The following ADGRG4 variants were observed in gnomAD, a reference collection of about 807,000 sequenced individuals.
ADGRG4 encodes adhesion G protein-coupled receptor G4.
Under a neutral mutation model 126.2 loss-of-function variants are expected in ADGRG4, and 122 were observed. The ratio of observed to expected loss-of-function variants is 0.97; its 90% CI spans 0.83 to 1.12. The LOEUF is 1.12. Among genes scored for constraint, ADGRG4 ranks in the 50% most tolerant of loss-of-function variants. The pLI is 0.00. For synonymous variants in ADGRG4, 943 were observed against 838.7 expected (o/e 1.12, Z -2.15); for missense variants, 2,481 against 2,251.8 (o/e 1.10, Z -2.06).
chrX:136,380,080 C>A (rs2075250322), intron 15 of ADGRG4, among the ~76,000 whole-genome samples: 1 of 107,580 alleles, frequency 9.3e-6, no homozygotes, highest in Non-Finnish European at 1.9e-5. Flanking sequence ...TTGCACAACT[C>A]TGAATGTGGT....
chrX:136,361,343 G>A (rs369191464), intron 11 of ADGRG4, 112 bp from the exon 12 acceptor site: 61 of 305,684 alleles, frequency 2.0e-4, no homozygotes, highest in Non-Finnish European at 2.6e-4. Flanking sequence ...TAATAATGAC[G>A]TTCATAATAA....
chrX:136,380,604 C>CTCCTCCTCTTCT (rs2075255832), intron 15 of ADGRG4, among the ~76,000 whole-genome samples: 13 of 55,346 alleles, frequency 2.3e-4, no homozygotes, highest in African/African-American at 8.5e-4. Context: ...CCTCCTCCTC[C>CTCCTCCTCTTCT]TCTTCTTCTT....
At chrX:136,358,866 T>C (rs1013823518) in intron 10 of ADGRG4, among the ~76,000 whole-genome samples, 2 of 112,167 alleles carry the variant, frequency 1.8e-5, no homozygotes, top group Non-Finnish European at 3.8e-5. Context: ...AGAACACTTC[T>C]TTATAGACTA....
intron 5 of ADGRG4, among the ~76,000 whole-genome samples, chrX:136,336,493 T>C (rs2074949000): frequency 9.0e-6 from 1 of 111,652 alleles, no homozygotes; most frequent in Non-Finnish European, 1.9e-5. Context: ...TTCAGCTCCA[T>C]CAGTTTTGCT....
At chrX:136,303,720 T>TA (rs1270729463) in intron 1 of ADGRG4, among the ~76,000 whole-genome samples, 1 of 111,458 alleles carries the variant, frequency 9.0e-6, no homozygotes, top group East Asian at 2.8e-4. Flanking sequence ...GTTGTCAGCA[T>TA]AGATGATTTT....
Position 136,349,485 on chromosome X carries a change from A to T in ADGRG4, c.5779A>T (p.Thr1927Ser). The change falls in exon 6 of 26, where the codon ACT becomes TCT. Residue 1927 changes from threonine to serine, a missense_variant. Transcript: ENST00000394143. Reference protein sequence around the residue: ...GPLSTFTASQTGLVSKDVMAM... With the variant: ...GPLSTFTASQSGLVSKDVMAM... ...TTTGTCAACATTCACAGCCTCTCAG[A>T]CTGGTCTAGTATCTAAAGATGTCAT... 5.8e-6 allele frequency: 7 copies of T among 1,204,638 alleles called. No homozygotes were observed. The highest frequency in any genetic ancestry group is 7.9e-6 in the Non-Finnish European group (7 of 889,097).
In ADGRG4 at chrX:136,347,916, A is replaced by G. The variant is rs1569323790; in HGVS notation, c.4210A>G (p.Thr1404Ala). 8.3e-7 allele frequency: 1 copy of G among 1,208,559 alleles called. No homozygotes were observed. The change falls in exon 6 of 26, where the codon ACT becomes GCT. Residue 1404 changes from threonine to alanine, a missense_variant. Physicochemically the swap from Thr to Ala is moderately conservative, Grantham distance 58 (BLOSUM62 0). Transcript: ENST00000394143. ...VEMIVNSTYV[T>A]HSVSYGQDTS... The stretch of plus-strand genomic sequence containing the variant: ...AATGATAGTAAACTCCACCTATGTG[A>G]CTCACTCTGTCTCATATGGCCAGGA...
intron 15 of ADGRG4, among the ~76,000 whole-genome samples, chrX:136,379,002 A>G (rs1356920307): frequency 1.8e-5 from 2 of 111,906 alleles, no homozygotes; most frequent in South Asian, 3.7e-4. Flanking sequence ...GCAACATTCT[A>G]AAAGTGAGTT....
chrX:136,398,492 A>C (rs1234336288), intron 20 of ADGRG4, among the ~76,000 whole-genome samples: 1 of 112,246 alleles, frequency 8.9e-6, no homozygotes, highest in African/African-American at 3.2e-5. Context: ...CCTAAGCCTA[A>C]CCCTTACCAA....
Position 136,317,140 on chromosome X carries a change from C to T in ADGRG4, c.71-5638C>T, listed in dbSNP as rs1047463929. Among the ~76,000 whole-genome samples the T allele has an allele frequency of 3.6e-5, 4 of 111,581 alleles. No homozygotes were observed. The East Asian group carries it at 1.1e-3, about 31-fold the overall frequency. ...TTAAATGTAAGAACTAAAACTGTAA[C>T]ATTCTTAGAGGAAAGCATAAGGGAG... On this transcript the variant is annotated intron_variant, in intron 4 of 25. Coordinates refer to ENST00000394143, the MANE Select transcript of ADGRG4 (RefSeq NM_153834.4).
intron 4 of ADGRG4, among the ~76,000 whole-genome samples, chrX:136,321,947 A>C (rs1446242291): frequency 8.9e-6 from 1 of 112,101 alleles, no homozygotes; most frequent in East Asian, 2.8e-4. Context: ...CGGGCATACA[A>C]TGCTGTGGCC....
Position 136,349,761 on chromosome X carries a change from C to G in ADGRG4, c.6055C>G (p.Pro2019Ala). The G allele has an allele frequency of 8.3e-7, 1 of 1,209,696 alleles. No individual in the cohort carries two copies. Among genetic ancestry groups the G allele is most frequent in the Non-Finnish European group, 1.1e-6 (1 of 894,330 alleles). Residue 2019 changes from proline (P) to alanine (A), a missense_variant, in exon 6 of 26, where the codon CCT becomes GCT. Coordinates refer to ENST00000394143, the MANE Select transcript of ADGRG4 (RefSeq NM_153834.4). The stretch of plus-strand genomic sequence containing the variant: ...CTTATCTAGTCTCCCTTCTGGCTCC[C>G]CTCCGGCAACTGTATCTAATGCCCC... ...WLLSSLPSGS[P>A]PATVSNAPHV...
chrX:136,387,050 G>A (rs1317308806), intron 15 of ADGRG4, among the ~76,000 whole-genome samples: 1 of 111,817 alleles, frequency 8.9e-6, no homozygotes, highest in East Asian at 2.8e-4. Flanking sequence ...GAGAACAAAA[G>A]ATTGAACTCA....
At chrX:136,411,804 A>G (rs1205222225) in intron 23 of ADGRG4, among the ~76,000 whole-genome samples, 2 of 112,425 alleles carry the variant, frequency 1.8e-5, no homozygotes, top group East Asian at 5.6e-4. Context: ...GTTCCTCACC[A>G]TGTGGGCCTC....
intron 15 of ADGRG4, among the ~76,000 whole-genome samples, chrX:136,382,267 A>C (rs1399643768): frequency 8.0e-5 from 9 of 112,256 alleles, no homozygotes; most frequent in African/African-American, 2.6e-4. Context: ...CTATTACATA[A>C]AATTAACAAT....
At chrX:136,387,347 TG>T (rs2075297291) in intron 15 of ADGRG4, among the ~76,000 whole-genome samples, 1 of 112,270 alleles carries the variant, frequency 8.9e-6, no homozygotes, top group African/African-American at 3.2e-5. Flanking sequence ...ATTGTTACTT[TG>T]TTTTTTCCTT....
rs1156599203 is a variant in ADGRG4 at position 136,350,187 on chromosome X, A to G, written c.6481A>G (p.Thr2161Ala). The change falls in exon 6 of 26, where the codon ACT (threonine) becomes GCT (alanine). Residue 2161 changes from threonine to alanine, a missense_variant. By Grantham distance (58) the Thr-to-Ala change is moderately conservative. Transcript: ENST00000394143. Reference sequence around the variant, plus strand: ...AACATCTTCATGGAACAGAATTCCAACTGCATCATCACCCTCTACTTTAAT... The same window carrying G: ...AACATCTTCATGGAACAGAATTCCAGCTGCATCATCACCCTCTACTTTAAT... ...TITSSWNRIP[T>A]ASSPSTLIIP... 8.3e-7 allele frequency: 1 copy of G among 1,208,217 alleles called. No homozygotes were observed. Among genetic ancestry groups the G allele is most frequent in the Non-Finnish European group, 1.1e-6 (1 of 893,921 alleles).
intron 5 of ADGRG4, among the ~76,000 whole-genome samples, chrX:136,333,929 A>G (rs2074930243): frequency 9.0e-6 from 1 of 111,344 alleles, no homozygotes; most frequent in Non-Finnish European, 1.9e-5. Flanking sequence ...CAAGTTTAAG[A>G]ACTCTTTGCT....
At chrX:136,305,463 A>G (rs2074727463) in intron 3 of ADGRG4, among the ~76,000 whole-genome samples, 2 of 111,843 alleles carry the variant, frequency 1.8e-5, no homozygotes, top group Admixed American at 9.5e-5. Flanking sequence ...TCATCTCTGA[A>G]TCCTCCACGG....
Sources: allele counts gnomAD v4.1 joint callset (sites outside exome capture counted in the v4.1 genomes callset), GRCh38; gene constraint gnomAD v4.1.1; transcripts MANE v1.5; gene names NCBI Gene and HGNC (gene_info 2026-07-23, HGNC 2026-07-21).